The following NELL2 variants were observed in gnomAD, a reference collection of about 807,000 sequenced individuals.
NELL2 encodes protein kinase C-binding protein NELL2.
NELL2 carries 41 observed loss-of-function variants against 109.6 expected under a neutral mutation model. That is an observed-to-expected ratio of 0.37 (90% CI 0.29 to 0.49). The LOEUF (loss-of-function observed/expected upper bound fraction) is 0.49, where lower values mean the gene tolerates loss of function less well. Ranked by LOEUF, NELL2 falls within the 20% of genes least tolerant of loss-of-function variation. The pLI, the probability that NELL2 is intolerant of heterozygous loss-of-function variation, is 0.98. For synonymous variants in NELL2, 355 were observed against 344.7 expected, an observed-to-expected ratio of 1.03 and a Z score of -0.33; for missense variants, 900 against 1,008.3, an observed-to-expected ratio of 0.89 and a Z score of 1.45.
intron 18 of NELL2, among the ~76,000 whole-genome samples, chr12:44,520,759 G>A (rs1941488358): frequency 6.6e-6 from 1 of 151,812 alleles, no homozygotes; most frequent in South Asian, 2.1e-4. Flanking sequence ...CAAATCCTAG[G>A]AATTGATTTC....
Position 44,511,261 on chromosome 12 carries a change from G to T in NELL2, c.2401-2277C>A, listed in dbSNP as rs369156360. Among the ~76,000 whole-genome samples the T allele has an allele frequency of 3.6e-4, 55 of 152,292 alleles. 2 individuals carry two copies. The South Asian group carries it at 0.011, about 30-fold the overall frequency. On this transcript the variant is annotated intron_variant, in intron 19 of 19. Transcript: ENST00000429094. ...AATAAAGCATCCTACTTGGGTTCCA[G>T]TTTTACTGATAGCATAGTTTCTTAT...
At chr12:44,612,850 G>A (rs540790971) in intron 13 of NELL2, among the ~76,000 whole-genome samples, 7 of 152,054 alleles carry the variant, frequency 4.6e-5, no homozygotes, top group South Asian at 2.1e-4. Context: ...CATACTCACC[G>A]GGTAGAGAAA....
At chr12:44,913,622 C>G (rs1468564312) in intron 1 of NELL2, among the ~76,000 whole-genome samples, 2 of 151,994 alleles carry the variant, frequency 1.3e-5, no homozygotes, top group African/African-American at 4.8e-5. Context: ...CAAAGAAATT[C>G]CCAAACTCTT....
At chr12:44,601,512 C>T (rs1006642471) in intron 15 of NELL2, among the ~76,000 whole-genome samples, 1 of 152,092 alleles carries the variant, frequency 6.6e-6, no homozygotes, top group Non-Finnish European at 1.5e-5. Context: ...TAAAATTATA[C>T]TTAAAACTGG....
In NELL2 at chr12:44,821,885, TTTTATTTATTTATTTATTTA is replaced by T. The variant is rs199661897; in HGVS notation, c.185-5769_185-5750del. Among the ~76,000 whole-genome samples the T allele has an allele frequency of 8.5e-5, 12 of 141,322 alleles. No individual in the cohort carries two copies. The South Asian group carries it at 9.3e-4, about 11-fold the overall frequency. The allele number at this position is 141,322 out of a possible 152,430, so 92.7% of individuals were successfully genotyped here. ...AGTGTGCACCACCACGCCCGGCTGG[TTTTATTTATTTATTTATTTA>T]TTTATTTATTTATTTATTTATTTAT... On this transcript the variant is annotated intron_variant, in intron 2 of 19. Coordinates refer to ENST00000429094, the MANE Select transcript of NELL2 (RefSeq NM_001145108.2).
intron 15 of NELL2, among the ~76,000 whole-genome samples, chr12:44,578,961 G>A (rs1324099638): frequency 6.6e-6 from 1 of 152,000 alleles, no homozygotes; most frequent in Non-Finnish European, 1.5e-5. Context: ...ATTTCTCAGG[G>A]GCATTCTTTT....
intron 13 of NELL2, among the ~76,000 whole-genome samples, chr12:44,613,257 C>A (rs1945692863): frequency 6.6e-6 from 1 of 152,058 alleles, no homozygotes; most frequent in Non-Finnish European, 1.5e-5. Flanking sequence ...AATTTTATGT[C>A]CATTTCTCTT....
At chr12:44,621,019 C>T (rs1350874598) in intron 13 of NELL2, among the ~76,000 whole-genome samples, 1 of 152,178 alleles carries the variant, frequency 6.6e-6, no homozygotes, top group Admixed American at 6.5e-5. Flanking sequence ...ACCACATCCT[C>T]ATTAAAGCTT....
At chr12:44,606,304 C>T (rs1384946098) in intron 15 of NELL2, among the ~76,000 whole-genome samples, 1 of 152,036 alleles carries the variant, frequency 6.6e-6, no homozygotes, top group Non-Finnish European at 1.5e-5. Flanking sequence ...GATGACTCTG[C>T]AAGTGGAATA....
chr12:44,664,267 T>C (rs1947848555), intron 13 of NELL2, among the ~76,000 whole-genome samples: 1 of 152,122 alleles, frequency 6.6e-6, no homozygotes, highest in East Asian at 1.9e-4. Flanking sequence ...AGGAAATGTT[T>C]AGGATGAACT....
intron 9 of NELL2, among the ~76,000 whole-genome samples, chr12:44,716,197 C>T (rs531059187): frequency 3.2e-4 from 48 of 152,256 alleles, no homozygotes; most frequent in African/African-American, 1.1e-3. Flanking sequence ...TAAAGTTGCA[C>T]ATTTAAATAA....
intron 2 of NELL2, among the ~76,000 whole-genome samples, chr12:44,820,533 C>T (rs1441973297): frequency 2.0e-5 from 3 of 150,440 alleles, no homozygotes; most frequent in South Asian, 2.1e-4. Flanking sequence ...GGCGTGAACC[C>T]AGGAGGCGGA....
intron 15 of NELL2, among the ~76,000 whole-genome samples, chr12:44,574,405 C>T (rs930799332): frequency 1.8e-4 from 27 of 152,062 alleles, no homozygotes; most frequent in African/African-American, 6.5e-4. Flanking sequence ...GTAATATGTT[C>T]ATCTTTGACA....
chr12:44,741,158 C>T (rs890580346), intron 9 of NELL2, among the ~76,000 whole-genome samples: 2 of 152,120 alleles, frequency 1.3e-5, no homozygotes, highest in African/African-American at 4.8e-5. Flanking sequence ...AGAAAGGAGA[C>T]CTTTATGATA....
chr12:44,709,941 C>T (rs1305877799), intron 11 of NELL2, among the ~76,000 whole-genome samples: 1 of 152,174 alleles, frequency 6.6e-6, no homozygotes, highest in Non-Finnish European at 1.5e-5. Context: ...AGTGAAAACT[C>T]TTATGGTCCT....
intron 13 of NELL2, among the ~76,000 whole-genome samples, chr12:44,639,153 C>A (rs180679719): frequency 5.3e-5 from 8 of 152,074 alleles, no homozygotes; most frequent in Non-Finnish European, 8.8e-5. Context: ...GCCTATTGAG[C>A]GGCACAGGTC....
At chr12:44,880,052 T>C (rs1945393098), upstream of NELL2, among the ~76,000 whole-genome samples, 1 of 151,334 alleles carries the variant, frequency 6.6e-6, no homozygotes, top group Non-Finnish European at 1.5e-5. Flanking sequence ...ATAATAATAA[T>C]AATTGTCATT....
At chr12:44,834,436 C>CTTTTTTTTTTTTTTTTTTTTT in intron 2 of NELL2, among the ~76,000 whole-genome samples, 1 of 131,552 alleles carries the variant, frequency 7.6e-6, no homozygotes, top group African/African-American at 2.8e-5. Flanking sequence ...CACACGCATT[C>CTTTTTTTTTTTTTTTTTTTTT]TTTTTTTTTT....
intron 3 of NELL2, among the ~76,000 whole-genome samples, chr12:44,808,377 G>C (rs113110935): frequency 0.011 from 1,738 of 151,960 alleles, 32 homozygotes; most frequent in African/African-American, 0.038. Flanking sequence ...TGCCTACTTG[G>C]TAGTGATATA....
Sources: allele counts gnomAD v4.1 joint callset (sites outside exome capture counted in the v4.1 genomes callset), GRCh38; gene constraint gnomAD v4.1.1; transcripts MANE v1.5; gene names NCBI Gene and HGNC (gene_info 2026-07-23, HGNC 2026-07-21).